The following EPHB4 variants were observed in gnomAD, a reference collection of about 807,000 sequenced individuals.
The protein encoded by EPHB4 is EPH receptor B4.
A neutral mutation model predicts 110.6 loss-of-function variants in EPHB4; 50 were observed. The ratio of observed to expected loss-of-function variants is 0.45; its 90% CI spans 0.36 to 0.57. EPHB4 has a LOEUF of 0.57. Ranked by LOEUF, EPHB4 falls within the 20% of genes least tolerant of loss-of-function variation. EPHB4 has a pLI of 0.00. For synonymous variants in EPHB4, 592 were observed against 578.4 expected (o/e 1.02, Z -0.34); for missense variants, 1,128 against 1,382.1 (o/e 0.82, Z 2.91).
intron 3 of EPHB4, among the ~76,000 whole-genome samples, chr7:100,823,090 C>G (rs1391276149): frequency 6.6e-6 from 1 of 152,070 alleles, no homozygotes; most frequent in Non-Finnish European, 1.5e-5. Context: ...AGTTAGAGAC[C>G]AGCCTGGGTA....
intron 12 of EPHB4, among the ~76,000 whole-genome samples, chr7:100,808,336 A>T (rs1033931753): frequency 1.3e-5 from 2 of 152,176 alleles, no homozygotes; most frequent in African/African-American, 2.4e-5. Context: ...CTTCTGCCTC[A>T]GCCTCCTTAG....
intron 4 of EPHB4, among the ~76,000 whole-genome samples, chr7:100,820,732 A>T (rs1813204013): frequency 6.6e-6 from 1 of 152,202 alleles, no homozygotes; most frequent in Non-Finnish European, 1.5e-5. Flanking sequence ...ATGAAACATG[A>T]GGAAAAAAGT....
At position 100,807,503 on chromosome 7, in the gene EPHB4, G is replaced by C. The variant is rs762187229; in HGVS notation, c.2196C>G (p.Ala732=). 8 of 1,608,636 alleles carry C rather than the reference G, an allele frequency of 5.0e-6. No homozygotes were observed. The highest frequency in any genetic ancestry group is 4.1e-5 in the African/African-American group (3 of 72,948). ...GGTCTCGGTGGACGTAGCTCATCTC[G>C]GCAAGGTACCGCATGCCCGAGGCGA... ...RGIASGMRYL[A]EMSYVHRDLA... is the part of the protein sequence containing the mutation. The change falls in exon 13 of 17, where the codon GCC becomes GCG. Residue 732 remains alanine, a synonymous_variant. Coordinates refer to ENST00000358173, the MANE Select transcript of EPHB4 (RefSeq NM_004444.5).
At chr7:100,808,923 C>T (rs1812872225) in intron 12 of EPHB4, among the ~76,000 whole-genome samples, 1 of 152,088 alleles carries the variant, frequency 6.6e-6, no homozygotes, top group African/African-American at 2.4e-5. Context: ...TTCCTTTGAC[C>T]CCCTTTTCTC....
At chr7:100,817,401 A>C (rs1299191202) in intron 7 of EPHB4, 44 bp from the exon 8 acceptor site, 1 of 1,499,052 alleles carries the variant, frequency 6.7e-7, no homozygotes, top group Non-Finnish European at 8.8e-7. Context: ...CGGGAACCCA[A>C]GTTCCTGTTG....
In EPHB4 at chr7:100,822,675, CGGG is replaced by C; in HGVS notation, c.412-11_412-9del. On this transcript the variant is annotated splice_polypyrimidine_tract_variant and intron_variant, in intron 3 of 16. Coordinates refer to ENST00000358173, the MANE Select transcript of EPHB4 (RefSeq NM_004444.5). The surrounding 1 kb of genome is among the most constrained non-coding windows in gnomAD (Gnocchi z 4.7). The stretch of plus-strand genomic sequence containing the variant: ...CGCGGCCACCGTGTCCACCTGCCGG[CGGG>C]GGGGAGGCACACCGCTGCTGTCCCC... The C allele has an allele frequency of 6.5e-7, 1 of 1,543,990 alleles. No individual in the cohort carries two copies. The highest frequency in any genetic ancestry group is 8.8e-7 in the Non-Finnish European group (1 of 1,141,160).
In EPHB4 at chr7:100,822,168, A is replaced by G; in HGVS notation, c.808+103T>C. 2 of 1,410,552 alleles carry G rather than the reference A, an allele frequency of 1.4e-6. No individual in the cohort carries two copies. Among genetic ancestry groups the G allele is most frequent in the Non-Finnish European group, 1.9e-6 (2 of 1,069,532 alleles). 87.4% of individuals were successfully genotyped at this position (1,410,552 alleles called of 1,614,324 possible). On this transcript the variant is annotated intron_variant, in intron 4 of 16. Coordinates refer to ENST00000358173, the MANE Select transcript of EPHB4 (RefSeq NM_004444.5). The surrounding 1 kb of genome is among the most constrained non-coding windows in gnomAD (Gnocchi z 4.7). The stretch of plus-strand genomic sequence containing the variant: ...GGTGACAGAGCAAGCCTCCATTTCA[A>G]CATCTAACTATACAAAATGGAAACT...
chr7:100,822,764 G>A lies in EPHB4; in HGVS notation c.412-97C>T. 1 of 1,425,436 alleles carries A rather than the reference G, an allele frequency of 7.0e-7. No individual in the cohort carries two copies. Among genetic ancestry groups the A allele is most frequent in the Non-Finnish European group, 9.2e-7 (1 of 1,090,178 alleles). The allele number at this position is 1,425,436 out of a possible 1,614,324, so 88.3% of individuals were successfully genotyped here. A position where few individuals can be genotyped will look rare whatever the true frequency, so the allele number is the denominator to read the frequency against. On this transcript the variant is annotated intron_variant, in intron 3 of 16. Transcript: ENST00000358173. This position sits in a 1 kb window ranked among gnomAD's most constrained non-coding sequence, Gnocchi z 4.7. Reference sequence around the variant, plus strand: ...CCAGCTCACCCTCCCGGACCTCCTTGGTTCCCGTTCCAGAATCTTCCCTCC... The same window carrying A: ...CCAGCTCACCCTCCCGGACCTCCTTAGTTCCCGTTCCAGAATCTTCCCTCC...
rs371884309 is a variant in EPHB4, at chr7:100,806,688, C to A, written c.2335-119G>T. ...TTTTCCCCCTAGCTCAGGCCCCAAG[C>A]CTCCTACTCTCCAACTCTGTTTGCC... On this transcript the variant is annotated intron_variant, in intron 13 of 16. Transcript: ENST00000358173. 1.3e-5 allele frequency: 16 copies of A among 1,209,222 alleles called. No homozygotes were observed. In the African/African-American group the frequency reaches 2.5e-4, roughly 19 times the overall value. 74.9% of individuals were successfully genotyped at this position (1,209,222 alleles called of 1,614,324 possible). A position where few individuals can be genotyped will look rare whatever the true frequency, so the allele number is the denominator to read the frequency against.
At chr7:100,824,408 AGCCCT>A (rs2116463306) in intron 1 of EPHB4, 135 bp from the exon 2 acceptor site, 1 of 879,948 alleles carries the variant, frequency 1.1e-6, no homozygotes, top group Admixed American at 2.1e-5. Context: ...GAGGGGAGCA[AGCCCT>A]GCCCTCTGCA....
intron 13 of EPHB4, 84 bp downstream of exon 13, chr7:100,807,281 C>T (rs1562967427): frequency 1.4e-6 from 2 of 1,448,930 alleles, no homozygotes; most frequent in Non-Finnish European, 9.5e-7. Flanking sequence ...GCAGGGCTGC[C>T]AAACCCTCAG....
intron 7 of EPHB4, among the ~76,000 whole-genome samples, chr7:100,817,698 T>C (rs1387353530): frequency 1.3e-5 from 2 of 151,618 alleles, no homozygotes; most frequent in African/African-American, 2.4e-5. Flanking sequence ...TCAGCTGATT[T>C]TGCTATTTGT....
intron 8 of EPHB4, among the ~76,000 whole-genome samples, chr7:100,816,878 T>C (rs1240846841): frequency 6.6e-6 from 1 of 151,414 alleles, no homozygotes; most frequent in East Asian, 2.0e-4. Context: ...GGTCAGGAGT[T>C]CGAGACCAGC....
chr7:100,826,225 G>A (rs1304809729), intron 1 of EPHB4, among the ~76,000 whole-genome samples: 1 of 152,182 alleles, frequency 6.6e-6, no homozygotes, highest in Non-Finnish European at 1.5e-5. Flanking sequence ...GAGACCAGGA[G>A]GTGGGAGATA....
chr7:100,820,343 TCTG>T (rs1248444507), intron 4 of EPHB4, 47 bp from the exon 5 acceptor site: 2 of 1,592,310 alleles, frequency 1.3e-6, no homozygotes, highest in Non-Finnish European at 1.7e-6. Flanking sequence ...AAAACATCCA[TCTG>T]CACGGTGGGC....
chr7:100,817,002 G>C (rs1439650078), intron 8 of EPHB4, among the ~76,000 whole-genome samples, 190 bp downstream of exon 8: 1 of 146,568 alleles, frequency 6.8e-6, no homozygotes, highest in East Asian at 2.0e-4. Context: ...AGAATGGCTT[G>C]AATCCGGGAG....
At chr7:100,820,109 C>T (rs1375890354) in intron 5 of EPHB4, 32 bp downstream of exon 5, 3 of 1,607,196 alleles carry the variant, frequency 1.9e-6, no homozygotes, top group South Asian at 2.2e-5. Context: ...GACCCCTCCC[C>T]AGTGAACTGC....
At chr7:100,824,620 G>A (rs1584667764) in intron 1 of EPHB4, 1 of 237,828 alleles carries the variant, frequency 4.2e-6, no homozygotes, top group East Asian at 9.8e-5. Flanking sequence ...CCCACGAGCA[G>A]AGGCTGCTGG....
Position 100,808,669 on chromosome 7 carries a change from C to T in EPHB4, c.2119-1089G>A, listed in dbSNP as rs148146568. Among the ~76,000 whole-genome samples the T allele has an allele frequency of 4.3e-3, 652 of 152,264 alleles. 7 individuals carry two copies. The highest frequency in any genetic ancestry group is 0.014 in the African/African-American group (599 of 41,536). Reference sequence around the variant, plus strand: ...GGTGCAAAAACCAAGGTCTGAAGCCCAACCTTGACCTTTAAAGAGTTTGCT... The same window carrying T: ...GGTGCAAAAACCAAGGTCTGAAGCCTAACCTTGACCTTTAAAGAGTTTGCT... On this transcript the variant is annotated intron_variant, in intron 12 of 16. Coordinates refer to ENST00000358173, the MANE Select transcript of EPHB4 (RefSeq NM_004444.5).
Sources: allele counts gnomAD v4.1 joint callset (sites outside exome capture counted in the v4.1 genomes callset), GRCh38; gene constraint gnomAD v4.1.1; non-coding constraint Gnocchi (gnomAD v3.1); transcripts MANE v1.5; gene names NCBI Gene and HGNC (gene_info 2026-07-23, HGNC 2026-07-21).